The following JADE2 variants were observed in gnomAD, a reference collection of about 807,000 sequenced individuals.
JADE2 encodes the protein E3 ubiquitin-protein ligase Jade-2.
In JADE2, 13 loss-of-function variants were observed where a neutral mutation model predicts 85.7. The ratio of observed to expected loss-of-function variants is 0.15; its 90% CI spans 0.10 to 0.24. The LOEUF is 0.24. JADE2 is among the 10% of genes least tolerant of loss of function. JADE2 has a pLI of 1.00. For missense variants in JADE2, 846 were observed against 1,115.9 expected, an observed-to-expected ratio of 0.76 and a Z score of 3.45; for synonymous variants, 440 against 456.1, an observed-to-expected ratio of 0.96 and a Z score of 0.45.
intron 9 of JADE2, among the ~76,000 whole-genome samples, chr5:134,572,338 T>C (rs992977028): frequency 2.6e-5 from 4 of 152,206 alleles, no homozygotes; most frequent in Admixed American, 2.6e-4. Flanking sequence ...GAGCACATCG[T>C]GTGGAGGCCT....
At chr5:134,553,904 T>C (rs572742797) in intron 4 of JADE2, among the ~76,000 whole-genome samples, 1 of 152,292 alleles carries the variant, frequency 6.6e-6, no homozygotes, top group African/African-American at 2.4e-5. Flanking sequence ...GCTACGGAGT[T>C]CAGCCAAGTG....
intron 3 of JADE2, among the ~76,000 whole-genome samples, chr5:134,549,709 T>G (rs1762495939): frequency 6.6e-6 from 1 of 152,188 alleles, no homozygotes; most frequent in African/African-American, 2.4e-5. Flanking sequence ...AAAAGGTTTC[T>G]AACCCACCTA....
intron 10 of JADE2, chr5:134,573,964 C>T (rs933567948): frequency 4.0e-5 from 26 of 651,308 alleles, no homozygotes; most frequent in Non-Finnish European, 6.6e-5. Flanking sequence ...CGTCACTAGG[C>T]AGAGAGCCAG....
chr5:134,577,001 G>A, intron 11 of JADE2, 105 bp downstream of exon 11: 1 of 1,333,888 alleles, frequency 7.5e-7, no homozygotes, highest in Non-Finnish European at 1.0e-6. Flanking sequence ...GTAGGAGACT[G>A]AGGCTCAAGA....
In JADE2 at chr5:134,559,815, G is replaced by A. The variant is rs758215822; in HGVS notation, c.312-15G>A. On this transcript the variant is annotated splice_polypyrimidine_tract_variant and intron_variant, in intron 4 of 11. Transcript: ENST00000681547. ...AGGGCCCCTCCCTTCATGACATCCT[G>A]TCTTGATTTTCTAGGATCCTCCCAC... 8 of 1,605,340 alleles carry A rather than the reference G, an allele frequency of 5.0e-6. No homozygotes were observed. The Admixed American group carries it at 8.6e-5, about 17-fold the overall frequency.
At chr5:134,560,376 G>C (rs1180661703) in intron 5 of JADE2, among the ~76,000 whole-genome samples, 1 of 152,104 alleles carries the variant, frequency 6.6e-6, no homozygotes, top group Non-Finnish European at 1.5e-5. Context: ...TCCCAGGAAG[G>C]GTTAACTCGA....
At chr5:134,528,672 T>G (rs1312974564) in intron 1 of JADE2, among the ~76,000 whole-genome samples, 2 of 152,182 alleles carry the variant, frequency 1.3e-5, no homozygotes, top group African/African-American at 4.8e-5. Flanking sequence ...GGCTGTTGTT[T>G]TGAGTGGAAA....
chr5:134,573,924 G>C, intron 10 of JADE2, 162 bp downstream of exon 10: 2 of 710,118 alleles, frequency 2.8e-6, no homozygotes, highest in East Asian at 2.6e-5. Flanking sequence ...AGTAGGCCCA[G>C]ACGGGGGCCT....
Position 134,560,778 on chromosome 5 carries a change from C to A in JADE2, c.505C>A (p.Arg169Ser). Reference protein sequence around the residue: ...RPELDELTLERVLEELETLCH... With the variant: ...RPELDELTLESVLEELETLCH... ...GGAGCTGGACGAGCTGACATTAGAG[C>A]GTGTGCTGGAGGAGCTGGAGACCCT... Residue 169 changes from arginine (R) to serine (S), a missense_variant, in exon 6 of 12, where the codon CGT becomes AGT. Coordinates refer to ENST00000681547, the MANE Select transcript of JADE2 (RefSeq NM_001388185.1). 3 of 1,613,974 alleles carry A rather than the reference C, an allele frequency of 1.9e-6. No individual in the cohort carries two copies. The highest frequency in any genetic ancestry group is 2.5e-6 in the Non-Finnish European group (3 of 1,179,952).
chr5:134,524,086 G>T (rs988817167), upstream of JADE2, among the ~76,000 whole-genome samples: 2 of 152,224 alleles, frequency 1.3e-5, no homozygotes, highest in Non-Finnish European at 1.5e-5. Context: ...CCGACCATGA[G>T]GGGGAAGAAA....
intron 3 of JADE2, among the ~76,000 whole-genome samples, chr5:134,546,475 T>C (rs1762298147): frequency 6.6e-6 from 1 of 152,176 alleles, no homozygotes; most frequent in Admixed American, 6.5e-5. Flanking sequence ...AAAAATATAA[T>C]TGCACAAATA....
rs546937938 is a variant in JADE2, at chr5:134,531,116, C to T, written c.1-4742C>T. ...GATGAGCATAGACTGACATGGGCCA[C>T]ACTGAAGCTTAAACCTGAAGGTTGA... is the stretch of plus-strand genomic sequence containing the variant. On this transcript the variant is annotated intron_variant, in intron 1 of 11. Coordinates refer to ENST00000681547, the MANE Select transcript of JADE2 (RefSeq NM_001388185.1). Among the ~76,000 whole-genome samples the T allele has an allele frequency of 2.6e-5, 4 of 152,346 alleles. No individual in the cohort carries two copies. In the South Asian group the frequency reaches 8.3e-4, roughly 32 times the overall value.
At chr5:134,563,372 C>T (rs548246445) in intron 7 of JADE2, among the ~76,000 whole-genome samples, 110 of 151,274 alleles carry the variant, frequency 7.3e-4, no homozygotes, top group African/African-American at 2.6e-3. Context: ...GCTAGTGGGC[C>T]TGCTGCTATG....
chr5:134,533,594 G>C (rs1761384777), intron 1 of JADE2: 1 of 985,086 alleles, frequency 1.0e-6, no homozygotes, highest in African/African-American at 1.7e-5. Context: ...AAAATGGGTG[G>C]GTGCACTTTT....
In JADE2 at chr5:134,579,070, G is replaced by C. The variant is rs767660256; in HGVS notation, c.2258G>C (p.Arg753Pro). ...AASPKPLGRL[R>P]PPRESKVTRR... ...AGCCCTAAGCCTTTGGGCCGGCTCC[G>C]GCCACCCCGCGAGAGCAAGGTAACC... The change falls in exon 12 of 12, where the codon CGG becomes CCG. Residue 753 changes from arginine to proline, a missense_variant. Coordinates refer to ENST00000681547, the MANE Select transcript of JADE2 (RefSeq NM_001388185.1). This position sits in a 1 kb window ranked among gnomAD's most constrained non-coding sequence, Gnocchi z 4.6. 2 of 1,613,992 alleles carry C rather than the reference G, an allele frequency of 1.2e-6. No individual in the cohort carries two copies. Among genetic ancestry groups the C allele is most frequent in the Admixed American group, 1.7e-5 (1 of 60,022 alleles).
intron 5 of JADE2, 34 bp from the exon 6 acceptor site, chr5:134,560,712 C>T: frequency 6.3e-7 from 1 of 1,589,884 alleles, no homozygotes; most frequent in Middle Eastern, 1.8e-4. Flanking sequence ...GGCTGGGCTC[C>T]TAACACCACC....
Position 134,559,914 on chromosome 5 carries a change from AG to A in JADE2, c.401del (p.Gly134AlafsTer32). Reference protein sequence around the residue: ...LGEGSQPDWPGGSRYDLDEID... With the variant: ...LGEGSQPDWPXGSRYDLDEID... Reference sequence around the variant, plus strand: ...GTGAGGGCTCCCAGCCTGATTGGCCAGGGGGCAGCCGCTATGACTTGGACGA... The same window carrying A: ...GTGAGGGCTCCCAGCCTGATTGGCCAGGGGCAGCCGCTATGACTTGGACGA... On this transcript the variant is annotated frameshift_variant, in exon 5 of 12. Coordinates refer to ENST00000681547, the MANE Select transcript of JADE2 (RefSeq NM_001388185.1). LOFTEE classifies it high-confidence loss of function. 1 of 1,613,904 alleles carries A rather than the reference AG, an allele frequency of 6.2e-7. No individual in the cohort carries two copies. The highest frequency in any genetic ancestry group is 8.5e-7 in the Non-Finnish European group (1 of 1,179,936).
In JADE2 at chr5:134,525,918, G is replaced by T. The variant is rs1581376551; in HGVS notation, c.-94G>T. 1.0e-6 allele frequency: 1 copy of T among 985,546 alleles called. No homozygotes were observed. Among genetic ancestry groups the T allele is most frequent in the East Asian group, 1.1e-4 (1 of 8,796 alleles). 61.1% of individuals were successfully genotyped at this position (985,546 alleles called of 1,614,324 possible). A position where few individuals can be genotyped will look rare whatever the true frequency, so the allele number is the denominator to read the frequency against. Reference sequence around the variant, plus strand: ...CCCCGCCCTCCCGCGCCGGCCCCAGGAGCTCCCGGCTTCGGGAGCATCCTT... The same window carrying T: ...CCCCGCCCTCCCGCGCCGGCCCCAGTAGCTCCCGGCTTCGGGAGCATCCTT... On this transcript the variant is annotated 5_prime_UTR_variant, in exon 1 of 12. Transcript: ENST00000681547.
At chr5:134,529,508 A>C (rs1761093065) in intron 1 of JADE2, among the ~76,000 whole-genome samples, 1 of 152,220 alleles carries the variant, frequency 6.6e-6, no homozygotes, top group Non-Finnish European at 1.5e-5. Flanking sequence ...CTTCTGTTAC[A>C]AGGAGCACTT....
Sources: gnomAD v4.1 joint callset for allele counts (sites outside exome capture counted in the v4.1 genomes callset) on GRCh38, gnomAD v4.1.1 for gene constraint, Gnocchi (gnomAD v3.1) non-coding constraint, MANE v1.5 for transcripts, NCBI Gene and HGNC (gene_info 2026-07-23, HGNC 2026-07-21) for gene names.